UGT1A8: variants seen among roughly 807,000 people sequenced by gnomAD.
The protein encoded by UGT1A8 is UDP-glucuronosyltransferase 1A8.
Under a neutral mutation model 45.3 loss-of-function variants are expected in UGT1A8, and 39 were observed. The ratio of observed to expected loss-of-function variants is 0.86; its 90% CI spans 0.67 to 1.12. The LOEUF (loss-of-function observed/expected upper bound fraction) is 1.12, where lower values mean the gene tolerates loss of function less well. Ranked by LOEUF, UGT1A8 falls within the 50% of genes most tolerant of loss-of-function variation. The pLI, the probability that UGT1A8 is intolerant of heterozygous loss-of-function variation, is 0.00. For synonymous variants in UGT1A8, 275 were observed against 249.2 expected (o/e 1.10, Z -0.97); for missense variants, 719 against 664.9 (o/e 1.08, Z -0.90).
chr2:233,634,306 C>G (rs1054013337), intron 1 of UGT1A8, among the ~76,000 whole-genome samples: 3 of 152,138 alleles, frequency 2.0e-5, no homozygotes, highest in African/African-American at 7.2e-5. Context: ...TTGGAGAGTT[C>G]TATACATGTG....
chr2:233,635,001 T>A lies in UGT1A8; in HGVS notation c.855+16439T>A, dbSNP rs894828716. Among the ~76,000 whole-genome samples the A allele has an allele frequency of 6.0e-4, 90 of 151,010 alleles. 4 individuals are homozygous for A. The highest frequency in any genetic ancestry group is 2.0e-3 in the African/African-American group (83 of 40,856). ...AGCTCTTGTAAGGCAGGCCTGGTGG[T>A]GACAAAATCTCTCAGCATTTGCTTG... On this transcript the variant is annotated intron_variant, in intron 1 of 4. Coordinates refer to ENST00000373450, the MANE Select transcript of UGT1A8 (RefSeq NM_019076.5).
At chr2:233,765,774 T>C (rs944173037) in intron 1 of UGT1A8, among the ~76,000 whole-genome samples, 1 of 152,060 alleles carries the variant, frequency 6.6e-6, no homozygotes, top group Non-Finnish European at 1.5e-5. Context: ...GGGGGATTCA[T>C]TGGACCACTG....
intron 1 of UGT1A8, among the ~76,000 whole-genome samples, chr2:233,720,116 C>G (rs1194928036): frequency 6.6e-6 from 1 of 152,088 alleles, no homozygotes; most frequent in African/African-American, 2.4e-5. Flanking sequence ...GCGAAAGATA[C>G]AGAGGTGACC....
At chr2:233,756,870 A>C (rs1360096515) in intron 1 of UGT1A8, among the ~76,000 whole-genome samples, 4 of 152,134 alleles carry the variant, frequency 2.6e-5, no homozygotes, top group Admixed American at 2.6e-4. Flanking sequence ...AAAGGGTATT[A>C]GGTGTAATGA....
chr2:233,711,476 T>G (rs2076182629), intron 1 of UGT1A8, among the ~76,000 whole-genome samples: 1 of 152,172 alleles, frequency 6.6e-6, no homozygotes, highest in African/African-American at 2.4e-5. Context: ...GAGGCTGAGA[T>G]GTTGCACCCA....
chr2:233,754,978 C>G, intron 1 of UGT1A8: 1 of 1,298,496 alleles, frequency 7.7e-7, no homozygotes, highest in Non-Finnish European at 1.0e-6. Context: ...CTGAAGACCT[C>G]GGCGGGGTCA....
At chr2:233,764,255 A>G (rs1306141437) in intron 1 of UGT1A8, among the ~76,000 whole-genome samples, 1 of 152,114 alleles carries the variant, frequency 6.6e-6, no homozygotes, top group Non-Finnish European at 1.5e-5. Context: ...TTCAGTTAAT[A>G]TGTTGCTTCA....
chr2:233,639,415 A>C lies in UGT1A8; in HGVS notation c.855+20853A>C, dbSNP rs943632323. Among the ~76,000 whole-genome samples, 12 of 152,344 alleles carry C rather than the reference A, an allele frequency of 7.9e-5. No homozygotes were observed. In the South Asian group the frequency reaches 1.5e-3, roughly 18 times the overall value. On this transcript the variant is annotated intron_variant, in intron 1 of 4. Coordinates refer to ENST00000373450, the MANE Select transcript of UGT1A8 (RefSeq NM_019076.5). ...ATGGCCCAACCACAAAAGTAAAAGT[A>C]AATTGTCATCAAAAGAACGATGAAC...
chr2:233,715,338 A>T (rs2076446051), intron 1 of UGT1A8, among the ~76,000 whole-genome samples: 1 of 152,002 alleles, frequency 6.6e-6, no homozygotes, highest in East Asian at 1.9e-4. Flanking sequence ...AGATTGGTGC[A>T]TGTAGGTTTG....
intron 1 of UGT1A8, among the ~76,000 whole-genome samples, chr2:233,714,807 A>G (rs1400219342): frequency 6.6e-6 from 1 of 152,236 alleles, no homozygotes; most frequent in Non-Finnish European, 1.5e-5. Context: ...CAATATTCAT[A>G]TGTAGTTAGT....
At chr2:233,671,369 G>C (rs1184324024) in intron 1 of UGT1A8, among the ~76,000 whole-genome samples, 1 of 152,160 alleles carries the variant, frequency 6.6e-6, no homozygotes, top group Non-Finnish European at 1.5e-5. Context: ...CATTTTAGAG[G>C]CTTCTCAGGG....
chr2:233,675,475 T>A (rs924736975), intron 1 of UGT1A8, among the ~76,000 whole-genome samples: 1 of 152,150 alleles, frequency 6.6e-6, no homozygotes, highest in African/African-American at 2.4e-5. Flanking sequence ...CCATGGCAGG[T>A]GCGGCTCTGG....
intron 1 of UGT1A8, among the ~76,000 whole-genome samples, chr2:233,717,449 A>C (rs2076575928): frequency 6.6e-6 from 1 of 152,324 alleles, no homozygotes; most frequent in Admixed American, 6.5e-5. Flanking sequence ...GCATCCATTC[A>C]CTGCCTGTCC....
rs553278701 is a variant in UGT1A8 at position 233,687,190 on chromosome 2, G to A, written c.855+68628G>A. ...ATGTGGATATGAATCAGCAATACCC[G>A]TAATTGGGTGGGTGATATGCATTTT... On this transcript the variant is annotated intron_variant, in intron 1 of 4. Coordinates refer to ENST00000373450, the MANE Select transcript of UGT1A8 (RefSeq NM_019076.5). 1.1e-4 allele frequency among the ~76,000 whole-genome samples: 16 copies of A among 152,278 alleles called. No individual in the cohort carries two copies. In the South Asian group the frequency reaches 1.7e-3, roughly 16 times the overall value.
chr2:233,715,359 CTT>C (rs892962742), intron 1 of UGT1A8, among the ~76,000 whole-genome samples: 5 of 150,138 alleles, frequency 3.3e-5, no homozygotes, highest in Non-Finnish European at 7.4e-5. Context: ...AGGTTTGAGA[CTT>C]ATATTTTCTT....
At chr2:233,688,190 C>T (rs10168155) in intron 1 of UGT1A8, among the ~76,000 whole-genome samples, 59,819 of 152,018 alleles carry the variant, frequency 0.39, 11,958 homozygotes, top group South Asian at 0.45. Context: ...CCTTTATGAC[C>T]GGCTTCTTTC....
chr2:233,679,892 A>G (rs1022236852), intron 1 of UGT1A8, among the ~76,000 whole-genome samples: 10 of 152,192 alleles, frequency 6.6e-5, no homozygotes, highest in African/African-American at 2.2e-4. Flanking sequence ...CTACACCCAC[A>G]TTAAAGTTGC....
chr2:233,755,236 G>C (rs1242283792), intron 1 of UGT1A8: 2 of 905,678 alleles, frequency 2.2e-6, no homozygotes, highest in Non-Finnish European at 3.3e-6. Flanking sequence ...GAGGCCTACC[G>C]GGGTACTCCC....
At chr2:233,619,259 A>G (rs530435114) in intron 1 of UGT1A8, among the ~76,000 whole-genome samples, 1 of 152,298 alleles carries the variant, frequency 6.6e-6, no homozygotes, top group South Asian at 2.1e-4. Flanking sequence ...ACACCAATAC[A>G]GACAGATTTG....
Sources: gnomAD v4.1 joint callset for allele counts (sites outside exome capture counted in the v4.1 genomes callset) on GRCh38, gnomAD v4.1.1 for gene constraint, MANE v1.5 for transcripts, NCBI Gene and HGNC (gene_info 2026-07-23, HGNC 2026-07-21) for gene names.